Variants in CENPX observed in about 807,000 individuals in gnomAD.
The protein encoded by CENPX is centromere protein X.
In CENPX, 13 loss-of-function variants were observed where a neutral mutation model predicts 13.2. The ratio of observed to expected loss-of-function variants is 0.98; its 90% CI spans 0.64 to 1.56. The LOEUF (loss-of-function observed/expected upper bound fraction) is 1.56, where lower values mean the gene tolerates loss of function less well. Ranked by LOEUF, CENPX falls within the 40% of genes most tolerant of loss-of-function variation. CENPX has a pLI of 0.00. For synonymous variants in CENPX, 66 were observed against 47.2 expected (o/e 1.40, Z -1.63); for missense variants, 138 against 107.5 (o/e 1.28, Z -1.26).
In CENPX at chr17:82,022,778, C is replaced by G. The variant is rs760906968; in HGVS notation, c.36+48G>C. On this transcript the variant is annotated intron_variant, in intron 1 of 4. Transcript: ENST00000392359. ...GCCCTCACAGTGTCACGCGTGAGGT[C>G]GGGACGGAGCGTCCGCGCCTGCCTA... 52 of 1,546,536 alleles carry G rather than the reference C, an allele frequency of 3.4e-5. No homozygotes were observed. In the Admixed American group the frequency reaches 9.9e-4, roughly 29 times the overall value.
At chr17:82,020,487 G>C (rs1456842501) in intron 1 of CENPX, among the ~76,000 whole-genome samples, 1 of 152,224 alleles carries the variant, frequency 6.6e-6, no homozygotes, top group African/African-American at 2.4e-5. Flanking sequence ...TGGGAGCGCA[G>C]AGCGGGGCTG....
chr17:82,022,543 C>G, intron 1 of CENPX: 1 of 548,660 alleles, frequency 1.8e-6, no homozygotes, highest in Non-Finnish European at 3.2e-6. Context: ...CTCTCTTCGC[C>G]GGCTTGGACT....
chr17:82,020,869 G>A (rs2043269129), intron 1 of CENPX, among the ~76,000 whole-genome samples: 1 of 152,220 alleles, frequency 6.6e-6, no homozygotes, highest in South Asian at 2.1e-4. Flanking sequence ...GGAGTGGTGG[G>A]TGGCAGCTGC....
rs1043230141 is a variant in CENPX, at chr17:82,019,690, G to A, written c.93C>T (p.Ser31=). 24 of 1,550,134 alleles carry A rather than the reference G, an allele frequency of 1.5e-5. No individual in the cohort carries two copies. Among genetic ancestry groups the A allele is most frequent in the South Asian group, 4.8e-5 (4 of 84,070 alleles). The stretch of plus-strand genomic sequence containing the variant: ...CCACCATGAGCTGCAGCGCGTCCCC[G>A]CTCACTGCAAGGCAGGGGGAGGTTA... ...LHFKDDKTKV[S]GDALQLMVEL... is the part of the protein sequence containing the mutation. Residue 31 remains serine, a synonymous_variant, in exon 3 of 5, where the codon AGC becomes AGT. Transcript: ENST00000392359.
Position 82,019,897 on chromosome 17 carries a change from TGCTCACCA to T in CENPX, c.41_48del (p.Leu14GlnfsTer10). Reference sequence around the variant, plus strand: ...TCCTTGAAGTGCAGGTGCAGCAGCCTGCTCACCAGCTCCTAGAAGGGAGGGGGGTGTCA... The same window carrying T: ...TCCTTGAAGTGCAGGTGCAGCAGCCTGCTCCTAGAAGGGAGGGGGGTGTCA... On this transcript the variant is annotated frameshift_variant, in exon 2 of 5. Transcript: ENST00000392359. LOFTEE classifies it high-confidence loss of function. 1 of 1,554,828 alleles carries T rather than the reference TGCTCACCA, an allele frequency of 6.4e-7. No individual in the cohort carries two copies. Among genetic ancestry groups the T allele is most frequent in the Non-Finnish European group, 8.8e-7 (1 of 1,142,100 alleles).
chr17:82,018,756 C>T lies in CENPX; in HGVS notation c.*449G>A. The T allele has an allele frequency of 3.8e-6, 1 of 261,268 alleles. No individual in the cohort carries two copies. Among genetic ancestry groups the T allele is most frequent in the South Asian group, 1.7e-4 (1 of 5,820 alleles). The allele number at this position is 261,268 out of a possible 1,614,324, so 16.2% of individuals were successfully genotyped here. On this transcript the variant is annotated 3_prime_UTR_variant, in exon 5 of 5. Coordinates refer to ENST00000392359, the MANE Select transcript of CENPX (RefSeq NM_001271006.2). ...TTGCTTTGTGAGAACAAATTTATAG[C>T]CTGGGGAAGCATCTTCCAAGGGGAA...
rs1008543476 is a variant in CENPX, at chr17:82,022,868, A to C, written c.-7T>G. ...CAGCTCCTGCTCCCTCCATGACCGC[A>C]GCCTCAACGCGCGCCCACCGGAACC... is the stretch of plus-strand genomic sequence containing the variant. On this transcript the variant is annotated 5_prime_UTR_variant, in exon 1 of 5. Coordinates refer to ENST00000392359, the MANE Select transcript of CENPX (RefSeq NM_001271006.2). The C allele has an allele frequency of 1.3e-6, 2 of 1,590,272 alleles. No homozygotes were observed. Among genetic ancestry groups the C allele is most frequent in the Admixed American group, 3.5e-5 (2 of 57,830 alleles).
rs908407371 is a variant in CENPX, at chr17:82,019,298, G to A, written c.226C>T (p.Gln76Ter). 4 of 1,595,390 alleles carry A rather than the reference G, an allele frequency of 2.5e-6. No individual in the cohort carries two copies. The highest frequency in any genetic ancestry group is 3.4e-6 in the Non-Finnish European group (4 of 1,171,646). Residue 76 changes from glutamine to a stop codon, truncating the protein, a stop_gained, in exon 4 of 5, where the codon CAG (glutamine) becomes TAG (stop). Transcript: ENST00000392359. LOFTEE classifies it high-confidence loss of function. ...DVDQLEKVLP[Q>*]LLLDF is the part of the protein sequence containing the mutation. ...CCCGACCCACGCTCACGCACCAGCT[G>A]CGGAAGCACCTTCTCCAGCTGGTCC...
chr17:82,019,688 C>T lies in CENPX; in HGVS notation c.95G>A (p.Gly32Glu), dbSNP rs559988198. 4.1e-5 allele frequency: 64 copies of T among 1,550,344 alleles called. No homozygotes were observed. In the East Asian group the frequency reaches 1.5e-3, roughly 36 times the overall value. The change falls in exon 3 of 5, where the codon GGG (glycine) becomes GAG (glutamate). Residue 32 changes from glycine (G) to glutamate (E), a missense_variant. By Grantham distance (98) the Gly-to-Glu change is moderately conservative. Transcript: ENST00000392359. ...HFKDDKTKVS[G>E]DALQLMVELL... is the part of the protein sequence containing the mutation. ...CTCCACCATGAGCTGCAGCGCGTCCCCGCTCACTGCAAGGCAGGGGGAGGT... is the reference window on the plus strand; with the variant it reads ...CTCCACCATGAGCTGCAGCGCGTCCTCGCTCACTGCAAGGCAGGGGGAGGT...
chr17:82,021,146 C>CA (rs1247123035), intron 1 of CENPX, among the ~76,000 whole-genome samples: 1 of 152,218 alleles, frequency 6.6e-6, no homozygotes, highest in African/African-American at 2.4e-5. Context: ...CAGCAGGTGA[C>CA]AAGCAGAGCA....
chr17:82,019,773 G>T (rs893880961), intron 2 of CENPX, 79 bp from the exon 3 acceptor site: 9 of 1,553,420 alleles, frequency 5.8e-6, no homozygotes, highest in Non-Finnish European at 7.8e-6. Flanking sequence ...CCGCCCTCCC[G>T]AGGCCTTGGC....
At position 82,022,793 on chromosome 17, in the gene CENPX, G is replaced by A. The variant is rs1371992352; in HGVS notation, c.36+33C>T. The A allele has an allele frequency of 7.7e-6, 12 of 1,560,272 alleles. No individual in the cohort carries two copies. The South Asian group carries it at 8.2e-5, about 11-fold the overall frequency. On this transcript the variant is annotated intron_variant, in intron 1 of 4. Coordinates refer to ENST00000392359, the MANE Select transcript of CENPX (RefSeq NM_001271006.2). ...CGCGTGAGGTCGGGACGGAGCGTCC[G>A]CGCCTGCCTAGCCCCTGCCCTCCGG...
chr17:82,019,674 G>T lies in CENPX; in HGVS notation c.109C>A (p.Leu37Ile). ...AAGACCTTCAGCAACTCCACCATGA[G>T]CTGCAGCGCGTCCCCGCTCACTGCA... is the stretch of plus-strand genomic sequence containing the variant. ...KTKVSGDALQLMVELLKVFVV... is the reference protein window; with the variant it reads ...KTKVSGDALQIMVELLKVFVV... The change falls in exon 3 of 5, where the codon CTC becomes ATC. Residue 37 changes from leucine (L) to isoleucine (I), a missense_variant. By Grantham distance (5) the Leu-to-Ile change is conservative. Transcript: ENST00000392359. 1.9e-6 allele frequency: 3 copies of T among 1,550,330 alleles called. No individual in the cohort carries two copies. The South Asian group carries it at 3.6e-5, about 18-fold the overall frequency.
intron 3 of CENPX, 92 bp from the exon 4 acceptor site, chr17:82,019,473 A>G (rs2043236046): frequency 6.6e-7 from 1 of 1,510,142 alleles, no homozygotes; most frequent in African/African-American, 1.4e-5. Flanking sequence ...GCCCCCCCCA[A>G]CACCCACGGG....
Position 82,018,884 on chromosome 17 carries a change from A to G in CENPX, c.*321T>C, listed in dbSNP as rs777474525. The G allele has an allele frequency of 1.1e-5, 4 of 373,976 alleles. No homozygotes were observed. The highest frequency in any genetic ancestry group is 6.6e-4 in the Middle Eastern group (1 of 1,516). The allele number at this position is 373,976 out of a possible 1,614,324, so 23.2% of individuals were successfully genotyped here. On this transcript the variant is annotated 3_prime_UTR_variant, in exon 5 of 5. Coordinates refer to ENST00000392359, the MANE Select transcript of CENPX (RefSeq NM_001271006.2). Reference sequence around the variant, plus strand: ...CTGCTGTTTGTCAAACACACAGGCTACCTGCTGGCCAGGCCTTTCCCAGCA... The same window carrying G: ...CTGCTGTTTGTCAAACACACAGGCTGCCTGCTGGCCAGGCCTTTCCCAGCA...
Position 82,019,645 on chromosome 17 carries a change from A to C in CENPX, c.138T>G (p.Val46=), listed in dbSNP as rs2043242640. ...QLMVELLKVF[V]VEAAVRGVRQ... is the part of the protein sequence containing the mutation. ...GAGCGTGGGCCCTGGGCTCACCCACAACGAAGACCTTCAGCAACTCCACCA... is the reference window on the plus strand; with the variant it reads ...GAGCGTGGGCCCTGGGCTCACCCACCACGAAGACCTTCAGCAACTCCACCA... Residue 46 remains valine, a synonymous_variant, in exon 3 of 5, where the codon GTT becomes GTG. Transcript: ENST00000392359. 6.5e-7 allele frequency: 1 copy of C among 1,550,278 alleles called. No homozygotes were observed.
Position 82,019,360 on chromosome 17 carries a change from C to T in CENPX, c.164G>A (p.Arg55Gln), listed in dbSNP as rs756028346. 1.0e-5 allele frequency: 16 copies of T among 1,561,812 alleles called. No homozygotes were observed. The highest frequency in any genetic ancestry group is 3.5e-5 in the South Asian group (3 of 85,396). ...FVVEAAVRGVRQAQAEDALRV... is the reference protein window; with the variant it reads ...FVVEAAVRGVQQAQAEDALRV... ...GAGCGCGTCTTCTGCCTGGGCCTGC[C>T]GCACGCCGCGGACTGCTGCTTCTGC... is the stretch of plus-strand genomic sequence containing the variant. The change falls in exon 4 of 5, where the codon CGG becomes CAG. Residue 55 changes from arginine (R) to glutamine (Q), a missense_variant. Coordinates refer to ENST00000392359, the MANE Select transcript of CENPX (RefSeq NM_001271006.2).
At position 82,018,931 on chromosome 17, in the gene CENPX, G is replaced by C; in HGVS notation, c.*274C>G. 2.4e-6 allele frequency: 1 copy of C among 409,744 alleles called. No homozygotes were observed. Among genetic ancestry groups the C allele is most frequent in the Non-Finnish European group, 4.2e-6 (1 of 235,666 alleles). 25.4% of individuals were successfully genotyped at this position (409,744 alleles called of 1,614,324 possible). A position where few individuals can be genotyped will look rare whatever the true frequency, so the allele number is the denominator to read the frequency against. On this transcript the variant is annotated 3_prime_UTR_variant, in exon 5 of 5. Coordinates refer to ENST00000392359, the MANE Select transcript of CENPX (RefSeq NM_001271006.2). Reference sequence around the variant, plus strand: ...AGCACCTGCCTGTAGGACCCCGGGTGGCATGCACACTATTGTCCCAGGGAG... The same window carrying C: ...AGCACCTGCCTGTAGGACCCCGGGTCGCATGCACACTATTGTCCCAGGGAG...
At position 82,018,758 on chromosome 17, in the gene CENPX, T is replaced by G. The variant is rs191770687; in HGVS notation, c.*447A>C. The G allele has an allele frequency of 3.0e-5, 8 of 262,754 alleles. No homozygotes were observed. The East Asian group carries it at 4.5e-4, about 15-fold the overall frequency. 16.3% of individuals were successfully genotyped at this position (262,754 alleles called of 1,614,324 possible). A position where few individuals can be genotyped will look rare whatever the true frequency, so the allele number is the denominator to read the frequency against. On this transcript the variant is annotated 3_prime_UTR_variant, in exon 5 of 5. Transcript: ENST00000392359. ...GCTTTGTGAGAACAAATTTATAGCCTGGGGAAGCATCTTCCAAGGGGAATA... is the reference window on the plus strand; with the variant it reads ...GCTTTGTGAGAACAAATTTATAGCCGGGGGAAGCATCTTCCAAGGGGAATA...
Sources: allele counts gnomAD v4.1 joint callset (sites outside exome capture counted in the v4.1 genomes callset), GRCh38; gene constraint gnomAD v4.1.1; transcripts MANE v1.5; gene names NCBI Gene and HGNC (gene_info 2026-07-23, HGNC 2026-07-21).